The following PALS2 variants were observed in gnomAD, a reference collection of about 807,000 sequenced individuals.
PALS2 encodes protein associated with LIN7 2, MAGUK p55 family member.
In PALS2, 27 loss-of-function variants were observed where a neutral mutation model predicts 61.6. The ratio of observed to expected loss-of-function variants is 0.44; its 90% CI spans 0.32 to 0.60. PALS2 has a LOEUF of 0.60. Among genes scored for constraint, PALS2 ranks in the 20% least tolerant of loss-of-function variants. PALS2 has a pLI of 0.05. For missense variants in PALS2, 554 were observed against 639.4 expected, an observed-to-expected ratio of 0.87 and a Z score of 1.44; for synonymous variants, 236 against 218.6, an observed-to-expected ratio of 1.08 and a Z score of -0.70.
intron 2 of PALS2, among the ~76,000 whole-genome samples, chr7:24,634,056 A>G (rs1024931420): frequency 2.0e-5 from 3 of 152,046 alleles, no homozygotes; most frequent in African/African-American, 4.8e-5. Context: ...TTCTTTGCCC[A>G]TGTTTAAATT....
intron 5 of PALS2, among the ~76,000 whole-genome samples, chr7:24,662,265 TTTTACCACAC>T (rs1387976096): frequency 1.3e-5 from 2 of 152,214 alleles, no homozygotes; most frequent in African/African-American, 4.8e-5. Context: ...ATCACAATAC[TTTTACCACAC>T]TAATAATATA....
chr7:24,579,400 C>G (rs960613352), intron 1 of PALS2, among the ~76,000 whole-genome samples: 1 of 152,146 alleles, frequency 6.6e-6, no homozygotes, highest in African/African-American at 2.4e-5. Flanking sequence ...TTAATTGATA[C>G]AGATGTTTGT....
chr7:24,613,239 T>A (rs1784176416), intron 1 of PALS2, among the ~76,000 whole-genome samples: 1 of 151,728 alleles, frequency 6.6e-6, no homozygotes, highest in South Asian at 2.1e-4. Context: ...TGCCTTTTTT[T>A]AAAGAGAGGA....
At chr7:24,639,782 C>A (rs2128069749) in intron 2 of PALS2, among the ~76,000 whole-genome samples, 1 of 147,654 alleles carries the variant, frequency 6.8e-6, no homozygotes, top group African/African-American at 2.5e-5. Context: ...CAAATTTACC[C>A]GTTTTCATTT....
At chr7:24,604,963 C>G (rs1783846315) in intron 1 of PALS2, among the ~76,000 whole-genome samples, 1 of 152,206 alleles carries the variant, frequency 6.6e-6, no homozygotes, top group Admixed American at 6.5e-5. Context: ...TCACACTGTT[C>G]TTACCTCAAG....
intron 2 of PALS2, chr7:24,623,993 G>A: frequency 8.8e-7 from 1 of 1,131,224 alleles, no homozygotes; most frequent in Non-Finnish European, 1.3e-6. Context: ...AGGATGAAAT[G>A]ACTCTTAGTT....
chr7:24,609,893 A>G (rs1011742369), intron 1 of PALS2, among the ~76,000 whole-genome samples: 1 of 152,074 alleles, frequency 6.6e-6, no homozygotes, highest in African/African-American at 2.4e-5. Context: ...TGTTGACTCC[A>G]AGCTTGAATT....
At chr7:24,637,731 T>A (rs1785309152) in intron 2 of PALS2, among the ~76,000 whole-genome samples, 1 of 152,186 alleles carries the variant, frequency 6.6e-6, no homozygotes, top group African/African-American at 2.4e-5. Context: ...GGAGTGTCCT[T>A]GAGTGAAATA....
intron 2 of PALS2, among the ~76,000 whole-genome samples, chr7:24,637,223 G>A (rs1785279507): frequency 6.7e-6 from 1 of 148,520 alleles, no homozygotes; most frequent in Admixed American, 6.7e-5. Flanking sequence ...TTGTATTTTG[G>A]TTAACTAGGC....
intron 1 of PALS2, among the ~76,000 whole-genome samples, chr7:24,623,051 T>C (rs188831980): frequency 6.6e-6 from 1 of 152,136 alleles, no homozygotes; most frequent in Non-Finnish European, 1.5e-5. Context: ...TGTTTGTATA[T>C]GTCACTGGAT....
chr7:24,630,346 G>A (rs1784944852), intron 2 of PALS2, among the ~76,000 whole-genome samples: 1 of 152,120 alleles, frequency 6.6e-6, no homozygotes, highest in African/African-American at 2.4e-5. Context: ...TGGGAGGCAA[G>A]GGGAGGGGGG....
Position 24,687,622 on chromosome 7 carries a change from G to T in PALS2, c.*8G>T, listed in dbSNP as rs771505051. 8.8e-6 allele frequency: 14 copies of T among 1,592,114 alleles called. No homozygotes were observed. The South Asian group carries it at 1.6e-4, about 18-fold the overall frequency. On this transcript the variant is annotated 3_prime_UTR_variant, in exon 12 of 12. Coordinates refer to ENST00000222644, the MANE Select transcript of PALS2 (RefSeq NM_001303037.2). The surrounding 1 kb of genome is among the most constrained non-coding windows in gnomAD (Gnocchi z 4.5). Reference sequence around the variant, plus strand: ...ATCAGCTGGGTTTACTGATGATTCAGTAAGGTTAACAATGAAAATTAAACT... The same window carrying T: ...ATCAGCTGGGTTTACTGATGATTCATTAAGGTTAACAATGAAAATTAAACT...
chr7:24,642,390 A>G (rs1785605116), intron 3 of PALS2, among the ~76,000 whole-genome samples: 1 of 152,204 alleles, frequency 6.6e-6, no homozygotes, highest in Admixed American at 6.5e-5. Flanking sequence ...TTTTACAAAG[A>G]AGAATGCATT....
At chr7:24,662,701 G>A (rs1002822154) in intron 5 of PALS2, among the ~76,000 whole-genome samples, 24 of 150,348 alleles carry the variant, frequency 1.6e-4, no homozygotes, top group East Asian at 5.9e-4. Context: ...CCTGGGAGGC[G>A]GAGGTTGCGG....
At chr7:24,625,585 G>A (rs1562622064) in intron 2 of PALS2, among the ~76,000 whole-genome samples, 1 of 152,162 alleles carries the variant, frequency 6.6e-6, no homozygotes, top group Admixed American at 6.5e-5. Context: ...CCAACACCGG[G>A]TGATGGGGTA....
intron 2 of PALS2, among the ~76,000 whole-genome samples, chr7:24,625,975 A>G (rs1784725666): frequency 6.6e-6 from 1 of 152,172 alleles, no homozygotes; most frequent in Non-Finnish European, 1.5e-5. Flanking sequence ...AAAGAGGCAC[A>G]CATTGCTAGA....
At chr7:24,624,904 A>T (rs936701013) in intron 2 of PALS2, among the ~76,000 whole-genome samples, 4 of 152,200 alleles carry the variant, frequency 2.6e-5, no homozygotes, top group South Asian at 4.2e-4. Flanking sequence ...CCGGCCAATG[A>T]TACAGAGTCT....
intron 11 of PALS2, among the ~76,000 whole-genome samples, chr7:24,681,368 A>G (rs535374502): frequency 6.6e-6 from 1 of 152,192 alleles, no homozygotes; most frequent in African/African-American, 2.4e-5. Flanking sequence ...ACCTTGAATT[A>G]TTTTGAAGCA....
intron 3 of PALS2, among the ~76,000 whole-genome samples, chr7:24,645,930 G>C (rs1443578458): frequency 2.0e-5 from 3 of 152,112 alleles, no homozygotes; most frequent in African/African-American, 4.8e-5. Context: ...GCTGTTGTTG[G>C]TGTATATGAA....
Sources: allele counts gnomAD v4.1 joint callset (sites outside exome capture counted in the v4.1 genomes callset), GRCh38; gene constraint gnomAD v4.1.1; non-coding constraint Gnocchi (gnomAD v3.1); transcripts MANE v1.5; gene names NCBI Gene and HGNC (gene_info 2026-07-23, HGNC 2026-07-21).